The following APOB variants were observed in gnomAD, a reference collection of about 807,000 sequenced individuals.
APOB encodes the protein apolipoprotein B-100.
A neutral mutation model predicts 314.1 loss-of-function variants in APOB; 153 were observed. That is an observed-to-expected ratio of 0.49 (90% confidence interval 0.43 to 0.56). The LOEUF is 0.56. APOB is among the 20% of genes least tolerant of loss of function. APOB has a pLI of 0.00. For missense variants in APOB, 5,430 were observed against 5,350.7 expected (o/e 1.01, Z -0.46); for synonymous variants, 2,087 against 2,036.4 (o/e 1.02, Z -0.67).
At position 21,002,630 on chromosome 2, in the gene APOB, A is replaced by G. The variant is rs1170258448; in HGVS notation, c.12792T>C (p.Asp4264=). The change falls in exon 29 of 29, where the codon GAT becomes GAC. Residue 4264 remains aspartate (D), a synonymous_variant. Coordinates refer to ENST00000233242, the MANE Select transcript of APOB (RefSeq NM_000384.3). ...ACAGTTCCCTATACATCGAGATTAC[A>G]TCTATTAGTTTATGTTTCCTTAACT... is the stretch of plus-strand genomic sequence containing the variant. ...PFELRKHKLI[D]VISMYRELLK... 1 of 1,613,860 alleles carries G rather than the reference A, an allele frequency of 6.2e-7. No homozygotes were observed. Among genetic ancestry groups the G allele is most frequent in the South Asian group, 1.1e-5 (1 of 91,056 alleles).
Position 21,001,975 on chromosome 2 carries a change from C to A in APOB, c.13447G>T (p.Ala4483Ser), listed in dbSNP as rs764014607. 8 of 1,614,006 alleles carry A rather than the reference C, an allele frequency of 5.0e-6. No homozygotes were observed. The South Asian group carries it at 7.7e-5, about 16-fold the overall frequency. ...AQEIIKSQAI[A>S]TKKIISDYHQ... ...TAATCAGAAATTATTTTCTTCGTCG[C>A]AATGGCCTGGCTTTTAATTATTTCC... is the stretch of plus-strand genomic sequence containing the variant. Residue 4483 changes from alanine (A) to serine (S), a missense_variant, in exon 29 of 29, where the codon GCG (alanine) becomes TCG (serine). Physicochemically the swap from Ala to Ser is moderately conservative, Grantham distance 99. Transcript: ENST00000233242.
At position 21,001,936 on chromosome 2, in the gene APOB, T is replaced by G; in HGVS notation, c.13486A>C (p.Arg4496=). 6.2e-7 allele frequency: 1 copy of G among 1,614,068 alleles called. No individual in the cohort carries two copies. Among genetic ancestry groups the G allele is most frequent in the East Asian group, 2.2e-5 (1 of 44,874 alleles). Residue 4496 remains arginine, a synonymous_variant, in exon 29 of 29, where the codon AGA becomes CGA. Coordinates refer to ENST00000233242, the MANE Select transcript of APOB (RefSeq NM_000384.3). ...TCTGAAAAATCTTGCAGTTTATATC[T>G]AAACTGCTGGTGGTAATCAGAAATT... is the stretch of plus-strand genomic sequence containing the variant. ...KIISDYHQQF[R]YKLQDFSDQL...
chr2:21,021,731 A>T (rs563539131), intron 18 of APOB, among the ~76,000 whole-genome samples: 1 of 152,220 alleles, frequency 6.6e-6, no homozygotes, highest in Non-Finnish European at 1.5e-5. Flanking sequence ...CACAGTCCTC[A>T]GTTATCAGGT....
rs762656558 is a variant in APOB at position 21,023,019 on chromosome 2, T to C, written c.2628A>G (p.Lys876=). The C allele has an allele frequency of 1.2e-6, 2 of 1,612,432 alleles. No individual in the cohort carries two copies. The highest frequency in any genetic ancestry group is 1.7e-6 in the Non-Finnish European group (2 of 1,179,686). ...TCACAAACTCCACAGACACGGAGGG[T>C]TTTGCCACCAGTTCAGCCTGCATCT... ...VANMQAELVA[K]PSVSVEFVTN... is the part of the protein sequence containing the mutation. Residue 876 remains lysine, a synonymous_variant, in exon 18 of 29, where the codon AAA becomes AAG. Transcript: ENST00000233242.
At chr2:21,026,742 T>C (rs1198968958) in intron 15 of APOB, 46 bp downstream of exon 15, 8 of 1,479,126 alleles carry the variant, frequency 5.4e-6, no homozygotes, top group Non-Finnish European at 7.6e-6. Flanking sequence ...TGTTTTTGCA[T>C]TGAGACCCAA....
Position 21,006,421 on chromosome 2 carries a change from A to T in APOB, c.10447T>A (p.Leu3483Met), listed in dbSNP as rs1413570781. ...GAAAAGTAAGAGGTGAGGCTTTCCA[A>T]GCTAAGCTTGTGGTCAACTGCTCCT... ...AKGAVDHKLS[L>M]ESLTSYFSIE... Residue 3483 changes from leucine (L) to methionine (M), a missense_variant, in exon 26 of 29, where the codon TTG becomes ATG. This residue lies in a region of APOB where 3,281 missense variants were observed against 3,171.0 expected (regional missense o/e 1.03). Transcript: ENST00000233242. 9.3e-6 allele frequency: 15 copies of T among 1,614,110 alleles called. No homozygotes were observed. The highest frequency in any genetic ancestry group is 1.3e-5 in the Non-Finnish European group (15 of 1,179,992).
In APOB at chr2:21,010,474, C is replaced by T; in HGVS notation, c.6394G>A (p.Glu2132Lys). Residue 2132 changes from glutamate to lysine, a missense_variant, in exon 26 of 29, where the codon GAG (glutamate) becomes AAG (lysine). Transcript: ENST00000233242. ...TCCTTGGCATGTGAAACTTGTCTCT[C>T]CCAATTGAATGAATTCAGATAATCA... Reference protein sequence around the residue: ...ANDYLNSFNWERQVSHAKEKL... With the variant: ...ANDYLNSFNWKRQVSHAKEKL... 2 of 1,611,014 alleles carry T rather than the reference C, an allele frequency of 1.2e-6. No individual in the cohort carries two copies. The highest frequency in any genetic ancestry group is 1.7e-6 in the Non-Finnish European group (2 of 1,177,714).
chr2:21,039,060 A>G (rs1471191597), intron 4 of APOB, among the ~76,000 whole-genome samples: 1 of 152,178 alleles, frequency 6.6e-6, no homozygotes, highest in African/African-American at 2.4e-5. Flanking sequence ...ACCAAAACAA[A>G]CATCCTTATG....
intron 18 of APOB, among the ~76,000 whole-genome samples, chr2:21,021,785 T>C (rs1421109015): frequency 6.6e-6 from 1 of 152,248 alleles, no homozygotes; most frequent in East Asian, 1.9e-4. Flanking sequence ...TAGCACAGGC[T>C]ACATGATATA....
chr2:21,035,810 G>T, intron 6 of APOB, 102 bp from the exon 7 acceptor site: 3 of 1,170,594 alleles, frequency 2.6e-6, no homozygotes, highest in Non-Finnish European at 2.5e-6. Context: ...TGTACCACTA[G>T]ATAAACTCAG....
chr2:21,039,932 A>C (rs1023562567), intron 4 of APOB, among the ~76,000 whole-genome samples: 1 of 152,230 alleles, frequency 6.6e-6, no homozygotes, highest in Non-Finnish European at 1.5e-5. Flanking sequence ...AAACTGAAAA[A>C]TGGGCAAGGA....
chr2:21,018,757 A>T (rs1663532841), intron 20 of APOB, among the ~76,000 whole-genome samples: 1 of 152,014 alleles, frequency 6.6e-6, no homozygotes, highest in Non-Finnish European at 1.5e-5. Flanking sequence ...TTGGTTGTTC[A>T]CTGTAACTTC....
intron 7 of APOB, 83 bp from the exon 8 acceptor site, chr2:21,034,984 A>G (rs1663966097): frequency 1.2e-6 from 1 of 808,346 alleles, no homozygotes; most frequent in Non-Finnish European, 2.3e-6. Context: ...CTGTCTCTGC[A>G]TCTACCCAAG....
chr2:21,009,202 G>A lies in APOB; in HGVS notation c.7666C>T (p.Leu2556Phe). 2 of 1,614,112 alleles carry A rather than the reference G, an allele frequency of 1.2e-6. No homozygotes were observed. Among genetic ancestry groups the A allele is most frequent in the East Asian group, 2.2e-5 (1 of 44,882 alleles). Reference protein sequence around the residue: ...LVTYISDWWTLAAKNLTDFAE... With the variant: ...LVTYISDWWTFAAKNLTDFAE... ...AAGTCAGTAAGGTTCTTAGCAGCAAGAGTCCACCAATCAGAAATGTAGGTG... is the reference window on the plus strand; with the variant it reads ...AAGTCAGTAAGGTTCTTAGCAGCAAAAGTCCACCAATCAGAAATGTAGGTG... The change falls in exon 26 of 29, where the codon CTT (leucine) becomes TTT (phenylalanine). Residue 2556 changes from leucine to phenylalanine, a missense_variant. Physicochemically the swap from Leu to Phe is conservative, Grantham distance 22 (BLOSUM62 0). Coordinates refer to ENST00000233242, the MANE Select transcript of APOB (RefSeq NM_000384.3).
At position 21,005,425 on chromosome 2, in the gene APOB, C is replaced by A. The variant is rs551178628; in HGVS notation, c.11443G>T (p.Val3815Leu). Reference sequence around the variant, plus strand: ...GACACAGTTAACTGAGATTCAGGCACGGTTATCTCAAAAAAGGGAATCAAG... The same window carrying A: ...GACACAGTTAACTGAGATTCAGGCAAGGTTATCTCAAAAAAGGGAATCAAG... ...DSLIPFFEITVPESQLTVSQF... is the reference protein window; with the variant it reads ...DSLIPFFEITLPESQLTVSQF... The change falls in exon 26 of 29, where the codon GTG becomes TTG. Residue 3815 changes from valine (V) to leucine (L), a missense_variant. Around this residue, in one of 3 missense-constraint regions of APOB, gnomAD observed 3,281 missense variants for 3,171.0 expected, o/e 1.03. Transcript: ENST00000233242. The A allele has an allele frequency of 6.2e-7, 1 of 1,613,736 alleles. No individual in the cohort carries two copies. Among genetic ancestry groups the A allele is most frequent in the African/African-American group, 1.3e-5 (1 of 74,848 alleles).
At position 21,013,454 on chromosome 2, in the gene APOB, T is replaced by C. The variant is rs1375216119; in HGVS notation, c.3922A>G (p.Arg1308Gly). The C allele has an allele frequency of 1.2e-6, 2 of 1,613,784 alleles. No homozygotes were observed. Among genetic ancestry groups the C allele is most frequent in the Admixed American group, 1.7e-5 (1 of 60,014 alleles). ...ACAGTCTCTAACATCTTTAGATCTCTGGAGGATTTGCCACCAAAAGGCAAA... is the reference window on the plus strand; with the variant it reads ...ACAGTCTCTAACATCTTTAGATCTCCGGAGGATTTGCCACCAAAAGGCAAA... The part of the protein sequence containing the change: ...IPLPFGGKSS[R>G]DLKMLETVRT... Residue 1308 changes from arginine to glycine, a missense_variant, in exon 25 of 29, where the codon AGA becomes GGA. By Grantham distance (125) the Arg-to-Gly change is moderately radical. This residue lies in a region of APOB where 2,085 missense variants were observed against 2,079.7 expected (regional missense o/e 1.00). Transcript: ENST00000233242.
chr2:21,028,218 C>T, intron 13 of APOB, 109 bp downstream of exon 13: 1 of 1,181,476 alleles, frequency 8.5e-7, no homozygotes. Context: ...CACATTTGCA[C>T]AAGTGTTTGT....
chr2:21,016,750 C>T (rs527814925), intron 20 of APOB, 101 bp from the exon 21 acceptor site: 40 of 769,828 alleles, frequency 5.2e-5, no homozygotes, highest in East Asian at 1.0e-4. Flanking sequence ...TTTGGGAGGC[C>T]AAGGCGGGCA....
chr2:21,028,307 G>C lies in APOB; in HGVS notation c.1829+20C>G. 1 of 1,591,592 alleles carries C rather than the reference G, an allele frequency of 6.3e-7. No individual in the cohort carries two copies. The highest frequency in any genetic ancestry group is 8.6e-7 in the Non-Finnish European group (1 of 1,159,546). On this transcript the variant is annotated intron_variant, in intron 13 of 28. Transcript: ENST00000233242. ...GCTCAGGGCCCTCAGTGGTATATGG[G>C]GTGAATAGCTCTTACTTACTCTTGG...
Sources: gnomAD v4.1 joint callset for allele counts (sites outside exome capture counted in the v4.1 genomes callset) on GRCh38, gnomAD v4.1.1 for gene constraint, gnomAD v4.1.1 regional missense constraint, MANE v1.5 for transcripts, NCBI Gene and HGNC (gene_info 2026-07-23, HGNC 2026-07-21) for gene names.